The following MRPL38 variants were observed in gnomAD, a reference collection of about 807,000 sequenced individuals.
MRPL38 encodes the protein mitochondrial ribosomal protein L38.
Under a neutral mutation model 52.1 loss-of-function variants are expected in MRPL38, and 51 were observed. The ratio of observed to expected loss-of-function variants is 0.98; its 90% confidence interval spans 0.78 to 1.24. The LOEUF is 1.24. Ranked by LOEUF, MRPL38 falls within the 50% of genes most tolerant of loss-of-function variation. The pLI is 0.00. For synonymous variants in MRPL38, 245 were observed against 212.7 expected, an observed-to-expected ratio of 1.15 and a Z score of -1.32; for missense variants, 527 against 518.6, an observed-to-expected ratio of 1.02 and a Z score of -0.16.
intron 2 of MRPL38, among the ~76,000 whole-genome samples, chr17:75,903,977 C>G (rs990668814): frequency 3.3e-5 from 5 of 152,214 alleles, no homozygotes; most frequent in African/African-American, 1.2e-4. Context: ...ATCCGCCCGC[C>G]TAGGCCTCCC....
Position 75,898,844 on chromosome 17 carries a change from G to T in MRPL38, c.*6C>A. On this transcript the variant is annotated 3_prime_UTR_variant, in exon 9 of 9. Coordinates refer to ENST00000309352, the MANE Select transcript of MRPL38 (RefSeq NM_032478.4). ...CCATGCTCTGAAATGCGCACACTCT[G>T]GCTCCTTAGTAGATGCCATAGGTGG... 7 of 1,611,748 alleles carry T rather than the reference G, an allele frequency of 4.3e-6. No homozygotes were observed. Among genetic ancestry groups the T allele is most frequent in the Non-Finnish European group, 5.9e-6 (7 of 1,179,428 alleles).
Position 75,899,533 on chromosome 17 carries a change from G to A in MRPL38, c.852C>T (p.Asp284=), listed in dbSNP as rs777876516. Residue 284 remains aspartate, a synonymous_variant, in exon 7 of 9, where the codon GAC becomes GAT. Transcript: ENST00000309352. Reference sequence around the variant, plus strand: ...TAGATTACCAGGGTGAGGGGCGTGCGTCCTCAGAGAAGTCAATCGGCTGGT... The same window carrying A: ...TAGATTACCAGGGTGAGGGGCGTGCATCCTCAGAGAAGTCAATCGGCTGGT... The part of the protein sequence containing the change: ...KQDQPIDFSE[D]ARPSPCYQLA... 1.6e-5 allele frequency: 26 copies of A among 1,593,872 alleles called. No individual in the cohort carries two copies. The highest frequency in any genetic ancestry group is 8.6e-5 in the Admixed American group (5 of 58,346).
chr17:75,901,225 A>T lies in MRPL38; in HGVS notation c.640T>A (p.Trp214Arg). 6.2e-7 allele frequency: 1 copy of T among 1,613,644 alleles called. No homozygotes were observed. Among genetic ancestry groups the T allele is most frequent in the South Asian group, 1.1e-5 (1 of 91,014 alleles). ...VTYEAEEGSL[W>R]TLLLTSLDGH... ...CCCAAGCTAGTGAGTAGCAACGTCC[A>T]CAAGGAGCCCTCTTCTGCCTCATAG... The change falls in exon 5 of 9, where the codon TGG becomes AGG. Residue 214 changes from tryptophan (W) to arginine (R), a missense_variant. By Grantham distance (101) the Trp-to-Arg change is moderately radical. Transcript: ENST00000309352. The surrounding 1 kb of genome is among the most constrained non-coding windows in gnomAD (Gnocchi z 5.7).
chr17:75,899,676 T>C lies in MRPL38; in HGVS notation c.711-2A>G. ...ACCCGGTTACCCGGGATGTTGGTTC[T>C]GGGAGGAGGAAAGTCCCGGTTAATT... On this transcript the variant is annotated splice_acceptor_variant, in intron 6 of 8. Coordinates refer to ENST00000309352, the MANE Select transcript of MRPL38 (RefSeq NM_032478.4). LOFTEE classifies it high-confidence loss of function. 6.4e-7 allele frequency: 1 copy of C among 1,559,594 alleles called. No homozygotes were observed. The highest frequency in any genetic ancestry group is 8.7e-7 in the Non-Finnish European group (1 of 1,149,566).
Position 75,901,732 on chromosome 17 carries a change from T to C in MRPL38, c.571A>G (p.Asn191Asp). The C allele has an allele frequency of 6.2e-7, 1 of 1,613,622 alleles. No individual in the cohort carries two copies. Among genetic ancestry groups the C allele is most frequent in the Non-Finnish European group, 8.5e-7 (1 of 1,179,826 alleles). Residue 191 changes from asparagine to aspartate, a missense_variant, in exon 4 of 9, where the codon AAT becomes GAT. Transcript: ENST00000309352. This position sits in a 1 kb window ranked among gnomAD's most constrained non-coding sequence, Gnocchi z 5.7. ...EDDLMPVYCG[N>D]EVTPTEAAQA... is the part of the protein sequence containing the mutation. ...GTTACCTCGGTTGGAGTCACCTCAT[T>C]GCCACAGTACACAGGCATCAGGTCA...
chr17:75,904,770 G>GGGCCCCC, intron 1 of MRPL38, 39 bp downstream of exon 1: 68 of 500,346 alleles, frequency 1.4e-4, no homozygotes, highest in Admixed American at 1.9e-4. Flanking sequence ...TCGGGCGACA[G>GGGCCCCC]CCCCCCCCCC....
chr17:75,902,349 T>A, intron 2 of MRPL38, 195 bp from the exon 3 acceptor site: 1 of 613,754 alleles, frequency 1.6e-6, no homozygotes, highest in Non-Finnish European at 2.8e-6. Flanking sequence ...GTGATCTGCC[T>A]GCCTCAGCCT....
intron 6 of MRPL38, 63 bp from the exon 7 acceptor site, chr17:75,899,737 C>T: frequency 7.2e-7 from 1 of 1,389,478 alleles, no homozygotes; most frequent in Non-Finnish European, 9.6e-7. Context: ...GTCCCCTCAG[C>T]TCCATGCACA....
intron 2 of MRPL38, 118 bp downstream of exon 2, chr17:75,904,422 C>T (rs76759610): frequency 0.038 from 42,902 of 1,130,688 alleles, 942 homozygotes; most frequent in Middle Eastern, 0.11. Context: ...CAGGCCCTCC[C>T]AGCGTCCCCA....
At chr17:75,904,770 G>GGGGGGGGGGGGGCCCCCC in intron 1 of MRPL38, 39 bp downstream of exon 1, 1 of 500,008 alleles carries the variant, frequency 2.0e-6, no homozygotes, top group Non-Finnish European at 2.8e-6. Flanking sequence ...TCGGGCGACA[G>GGGGGGGGGGGGGCCCCCC]CCCCCCCCCC....
intron 1 of MRPL38, 39 bp downstream of exon 1, chr17:75,904,770 G>GGGCGCCCC: frequency 2.0e-6 from 1 of 500,006 alleles, no homozygotes; most frequent in Non-Finnish European, 2.8e-6. Flanking sequence ...TCGGGCGACA[G>GGGCGCCCC]CCCCCCCCCC....
intron 2 of MRPL38, 36 bp from the exon 3 acceptor site, chr17:75,902,190 T>A (rs1430645564): frequency 6.5e-7 from 1 of 1,547,126 alleles, no homozygotes; most frequent in South Asian, 1.2e-5. Context: ...AACAGGGTCA[T>A]GACTCACTGC....
In MRPL38 at chr17:75,901,494, A is replaced by G. The variant is rs148517141; in HGVS notation, c.591+218T>C. The G allele has an allele frequency of 0.012, 7,766 of 663,112 alleles. 59 individuals carry two copies. Among genetic ancestry groups the G allele is most frequent in the Middle Eastern group, 0.024 (59 of 2,436 alleles). 41.1% of individuals were successfully genotyped at this position (663,112 alleles called of 1,614,324 possible). A position where few individuals can be genotyped will look rare whatever the true frequency, so the allele number is the denominator to read the frequency against. On this transcript the variant is annotated intron_variant, in intron 4 of 8. Transcript: ENST00000309352. This position sits in a 1 kb window ranked among gnomAD's most constrained non-coding sequence, Gnocchi z 5.7. ...TGCCAAGGCCGGGCCAGGAGGGCAC[A>G]CCACAGACAGCAGGCTGGTCACAGG... is the stretch of plus-strand genomic sequence containing the variant.
At chr17:75,900,952 A>AC (rs11388056) in intron 6 of MRPL38, 30 bp downstream of exon 6, 510,260 of 1,604,384 alleles carry the variant, frequency 0.32, 87,425 homozygotes, top group African/African-American at 0.68. Flanking sequence ...CCTGGGCAGC[A>AC]CCCCCTACCC....
intron 2 of MRPL38, 84 bp from the exon 3 acceptor site, chr17:75,902,238 G>A (rs1215864692): frequency 7.0e-7 from 1 of 1,426,772 alleles, no homozygotes. Context: ...TGAGTAGCTG[G>A]GGCTACAAGT....
At chr17:75,899,787 AG>A (rs1488797526) in intron 6 of MRPL38, 113 bp from the exon 7 acceptor site, 1 of 922,678 alleles carries the variant, frequency 1.1e-6, no homozygotes, top group Non-Finnish European at 1.5e-6. Flanking sequence ...GACAGCTCTA[AG>A]CATCTCTCTC....
Position 75,901,321 on chromosome 17 carries a change from C to T in MRPL38, c.592-48G>A, listed in dbSNP as rs1209357122. On this transcript the variant is annotated intron_variant, in intron 4 of 8. Coordinates refer to ENST00000309352, the MANE Select transcript of MRPL38 (RefSeq NM_032478.4). This position sits in a 1 kb window ranked among gnomAD's most constrained non-coding sequence, Gnocchi z 5.7. ...GTCAGCCCCACCAGGGACAGGCCAG[C>T]TGTTGCAGGGAGCCTTGGAGAAAGG... is the stretch of plus-strand genomic sequence containing the variant. 1 of 1,585,360 alleles carries T rather than the reference C, an allele frequency of 6.3e-7. No homozygotes were observed. Among genetic ancestry groups the T allele is most frequent in the Non-Finnish European group, 8.6e-7 (1 of 1,159,582 alleles).
chr17:75,900,833 G>C lies in MRPL38; in HGVS notation c.710+149C>G. 5 of 1,439,282 alleles carry C rather than the reference G, an allele frequency of 3.5e-6. No homozygotes were observed. The East Asian group carries it at 1.3e-4, about 36-fold the overall frequency. 89.2% of individuals were successfully genotyped at this position (1,439,282 alleles called of 1,614,324 possible). A position where few individuals can be genotyped will look rare whatever the true frequency, so the allele number is the denominator to read the frequency against. ...TCTTCAAGTAGACACGTGGATCCCA[G>C]GGCCCCTAACACCCTCAGGAGGCAG... On this transcript the variant is annotated intron_variant, in intron 6 of 8. Transcript: ENST00000309352.
Position 75,899,226 on chromosome 17 carries a change from G to A in MRPL38, c.938C>T (p.Pro313Leu). The stretch of plus-strand genomic sequence containing the variant: ...GCACTGGAAGAAGGACAAGCCGGCT[G>A]GAGTCATGGTTTCTTGGTGTTTCTT... ...FYKKHQETMTPAGLSFFQCRW... is the reference protein window; with the variant it reads ...FYKKHQETMTLAGLSFFQCRW... Residue 313 changes from proline to leucine, a missense_variant, in exon 8 of 9, where the codon CCA becomes CTA. Coordinates refer to ENST00000309352, the MANE Select transcript of MRPL38 (RefSeq NM_032478.4). 1 of 1,610,900 alleles carries A rather than the reference G, an allele frequency of 6.2e-7. No individual in the cohort carries two copies. The highest frequency in any genetic ancestry group is 8.5e-7 in the Non-Finnish European group (1 of 1,178,718).
Sources: allele counts gnomAD v4.1 joint callset (sites outside exome capture counted in the v4.1 genomes callset), GRCh38; gene constraint gnomAD v4.1.1; non-coding constraint Gnocchi (gnomAD v3.1); transcripts MANE v1.5; gene names NCBI Gene and HGNC (gene_info 2026-07-23, HGNC 2026-07-21).